The following ME3 variants were observed in gnomAD, a reference collection of about 807,000 sequenced individuals.
ME3 encodes the protein NADP-dependent malic enzyme, mitochondrial.
ME3 carries 48 observed loss-of-function variants against 68.9 expected under a neutral mutation model. That is an observed-to-expected ratio of 0.70 (90% CI 0.55 to 0.89). ME3 has a LOEUF of 0.89. Ranked by LOEUF, ME3 falls within the 40% of genes least tolerant of loss-of-function variation. The pLI is 0.00. For synonymous variants in ME3, 320 were observed against 318.8 expected, an observed-to-expected ratio of 1.00 and a Z score of -0.04; for missense variants, 675 against 797.4, an observed-to-expected ratio of 0.85 and a Z score of 1.85.
intron 13 of ME3, among the ~76,000 whole-genome samples, chr11:86,444,416 T>C (rs1949169135): frequency 6.6e-6 from 1 of 152,148 alleles, no homozygotes; most frequent in African/African-American, 2.4e-5. Flanking sequence ...CAAGGAGCCA[T>C]ACGAAGGTCT....
intron 7 of ME3, among the ~76,000 whole-genome samples, chr11:86,465,838 T>A (rs1347817733): frequency 1.3e-5 from 2 of 152,202 alleles, no homozygotes; most frequent in African/African-American, 4.8e-5. Context: ...GTTACTGACC[T>A]TGTTTAAAAA....
intron 2 of ME3, among the ~76,000 whole-genome samples, chr11:86,654,760 G>A (rs1264147266): frequency 6.6e-6 from 1 of 152,206 alleles, no homozygotes; most frequent in Non-Finnish European, 1.5e-5. Flanking sequence ...AATCAGGCAG[G>A]AGAAGGAAAT....
chr11:86,543,701 C>T (rs1276771682), intron 4 of ME3, among the ~76,000 whole-genome samples: 2 of 152,126 alleles, frequency 1.3e-5, no homozygotes, highest in African/African-American at 2.4e-5. Flanking sequence ...CACACAAGAA[C>T]AGCGGGAGAC....
At chr11:86,609,368 T>C (rs781302193) in intron 2 of ME3, among the ~76,000 whole-genome samples, 1 of 152,168 alleles carries the variant, frequency 6.6e-6, no homozygotes, top group Non-Finnish European at 1.5e-5. Flanking sequence ...TCTGACTACA[T>C]GTGTCCTGAG....
intron 7 of ME3, among the ~76,000 whole-genome samples, chr11:86,481,870 C>G (rs976144778): frequency 6.6e-6 from 1 of 152,140 alleles, no homozygotes; most frequent in African/African-American, 2.4e-5. Flanking sequence ...TGCTGCCACC[C>G]CTTATTCCAT....
At chr11:86,435,197 C>T in the ME3 span, 1 of 152,196 alleles carries the variant, frequency 6.6e-6, no homozygotes, top group African/African-American at 2.4e-5. Flanking sequence ...CACCACAATT[C>T]AATTAAATTA....
intron 6 of ME3, among the ~76,000 whole-genome samples, chr11:86,494,060 A>AAAAGGAACTGTAGTTAAAAAT (rs1952164640): frequency 6.6e-6 from 1 of 151,322 alleles, no homozygotes; most frequent in South Asian, 2.1e-4. Context: ...TTGAAAAAAA[A>AAAAGGAACTGTAGTTAAAAAT]AAAAGGAACT....
intron 2 of ME3, among the ~76,000 whole-genome samples, chr11:86,597,444 G>C (rs1280601297): frequency 1.3e-5 from 2 of 152,200 alleles, no homozygotes; most frequent in South Asian, 2.1e-4. Flanking sequence ...AGAGGAAGTA[G>C]AAACCATGAC....
intron 2 of ME3, among the ~76,000 whole-genome samples, chr11:86,581,579 G>A (rs1383805550): frequency 6.6e-6 from 1 of 152,136 alleles, no homozygotes; most frequent in East Asian, 1.9e-4. Context: ...AAAGTTGATG[G>A]CAAGCAAGAG....
intron 7 of ME3, among the ~76,000 whole-genome samples, chr11:86,478,324 C>CAAAAAAAAAAAAAAAAAAAAAAAAAAAA (rs57349808): frequency 1.6e-5 from 1 of 62,914 alleles, no homozygotes; most frequent in Non-Finnish European, 3.0e-5. Context: ...GCCTAAGGAC[C>CAAAAAAAAAAAAAAAAAAAAAAAAAAAA]AAAAAAAAAA....
chr11:86,450,306 C>A, exon 9 of ME3: 1 of 1,614,124 alleles, frequency 6.2e-7, no homozygotes, highest in South Asian at 1.1e-5. Flanking sequence ...CATACCTCGC[C>A]TGCACCTTGG....
chr11:86,641,448 C>T (rs141624515), intron 2 of ME3, among the ~76,000 whole-genome samples: 1 of 152,308 alleles, frequency 6.6e-6, no homozygotes, highest in East Asian at 1.9e-4. Flanking sequence ...GATCTATAAA[C>T]CGTCAGCTAA....
chr11:86,520,405 C>T (rs557545210), intron 4 of ME3, among the ~76,000 whole-genome samples: 1 of 152,354 alleles, frequency 6.6e-6, no homozygotes, highest in African/African-American at 2.4e-5. Context: ...AAGACTTCAT[C>T]TCTGATCCAG....
At chr11:86,480,851 C>G (rs1594122233) in intron 7 of ME3, among the ~76,000 whole-genome samples, 1 of 152,158 alleles carries the variant, frequency 6.6e-6, no homozygotes, top group East Asian at 1.9e-4. Flanking sequence ...CAAGGTAGAC[C>G]TCCATGGCAG....
chr11:86,612,054 T>C (rs1010153762), intron 2 of ME3, among the ~76,000 whole-genome samples: 1 of 152,012 alleles, frequency 6.6e-6, no homozygotes, highest in Non-Finnish European at 1.5e-5. Context: ...TCCTCTAAGT[T>C]ACCTTCCCTT....
intron 2 of ME3, chr11:86,667,812 A>C (rs1946676018): frequency 6.6e-6 from 1 of 152,182 alleles, no homozygotes; most frequent in South Asian, 2.1e-4. Context: ...TGCTACAGTT[A>C]TAGAATGGGG....
Position 86,498,276 on chromosome 11 carries a change from A to G in ME3, c.544-152T>C, listed in dbSNP as rs557549508. The G allele has an allele frequency of 7.8e-6, 7 of 897,414 alleles. No individual in the cohort carries two copies. In the East Asian group the frequency reaches 8.9e-5, roughly 11 times the overall value. The allele number at this position is 897,414 out of a possible 1,614,324, so 55.6% of individuals were successfully genotyped here. A position where few individuals can be genotyped will look rare whatever the true frequency, so the allele number is the denominator to read the frequency against. On this transcript the variant is annotated intron_variant, in intron 5 of 14. Coordinates refer to ENST00000543262, the Ensembl canonical transcript of ME3. ...TGTCTGGGATAAGGCCGGAGCATTT[A>G]TTCACCTGCAGGTGACCAGTCCTTC... is the stretch of plus-strand genomic sequence containing the variant.
At chr11:86,446,330 A>C (rs1949288705) in exon 13 of ME3, 1 of 1,614,100 alleles carries the variant, frequency 6.2e-7, no homozygotes, top group South Asian at 1.1e-5. Flanking sequence ...TGTCAGGAGG[A>C]AGATCTCATC....
At chr11:86,608,355 C>A (rs1942307792) in intron 2 of ME3, among the ~76,000 whole-genome samples, 1 of 152,070 alleles carries the variant, frequency 6.6e-6, no homozygotes, top group South Asian at 2.1e-4. Context: ...AGCTGGAGAC[C>A]ACTCTGTAAT....
Sources: allele counts gnomAD v4.1 joint callset (sites outside exome capture counted in the v4.1 genomes callset), GRCh38; gene constraint gnomAD v4.1.1; transcripts MANE v1.5; gene names NCBI Gene and HGNC (gene_info 2026-07-23, HGNC 2026-07-21).